The following GALNT13 variants were observed in gnomAD, a reference collection of about 807,000 sequenced individuals.
The protein encoded by GALNT13 is UDP-GalNAc:polypeptide N-acetylgalactosaminyltransferase 13.
Under a neutral mutation model 64.2 loss-of-function variants are expected in GALNT13, and 28 were observed. The ratio of observed to expected loss-of-function variants is 0.44; its 90% CI spans 0.32 to 0.60. GALNT13 has a LOEUF of 0.60. GALNT13 is among the 20% of genes least tolerant of loss of function. The pLI, the probability that GALNT13 is intolerant of heterozygous loss-of-function variation, is 0.05. For synonymous variants in GALNT13, 214 were observed against 224.6 expected (o/e 0.95, Z 0.42); for missense variants, 577 against 669.8 (o/e 0.86, Z 1.53).
At chr2:154,205,321 A>G (rs1573872177) in intron 4 of GALNT13, among the ~76,000 whole-genome samples, 1 of 152,060 alleles carries the variant, frequency 6.6e-6, no homozygotes, top group African/African-American at 2.4e-5. Context: ...TGTGTTTTCC[A>G]CCTGTGTTCT....
chr2:153,200,849 T>C, the GALNT13 span, among the ~76,000 whole-genome samples: 6 of 152,226 alleles, frequency 3.9e-5, no homozygotes, highest in East Asian at 1.9e-4. Flanking sequence ...TGTCCTTCTA[T>C]AGGAAAGTCA....
chr2:154,114,822 C>T (rs1362275971), intron 3 of GALNT13, among the ~76,000 whole-genome samples: 1 of 152,198 alleles, frequency 6.6e-6, no homozygotes, highest in East Asian at 1.9e-4. Context: ...CCAAACTCTA[C>T]ACAAGTCAGA....
the GALNT13 span, among the ~76,000 whole-genome samples, chr2:153,590,350 C>T: frequency 0.076 from 11,589 of 151,960 alleles, 530 homozygotes; most frequent in Non-Finnish European, 0.11. Flanking sequence ...AATAAATCTC[C>T]CAACAAAGTA....
At chr2:153,531,475 T>C in the GALNT13 span, among the ~76,000 whole-genome samples, 767 of 152,222 alleles carry the variant, frequency 5.0e-3, 10 homozygotes, top group African/African-American at 0.018. Flanking sequence ...CCCACCAGTC[T>C]CCACCTCCAG....
the GALNT13 span, among the ~76,000 whole-genome samples, chr2:153,184,945 A>G: frequency 6.6e-6 from 1 of 152,162 alleles, no homozygotes; most frequent in Non-Finnish European, 1.5e-5. Flanking sequence ...CGTATCTGCC[A>G]GGTTTTGGTA....
At chr2:153,805,701 C>T in the GALNT13 span, among the ~76,000 whole-genome samples, 1 of 151,928 alleles carries the variant, frequency 6.6e-6, no homozygotes, top group Non-Finnish European at 1.5e-5. Flanking sequence ...TGAGAGTTCT[C>T]AGTGGATGTG....
At chr2:153,681,107 A>G in the GALNT13 span, among the ~76,000 whole-genome samples, 1 of 151,904 alleles carries the variant, frequency 6.6e-6, no homozygotes, top group Non-Finnish European at 1.5e-5. Context: ...TTCCTCCATT[A>G]AGCTAGAAAG....
chr2:153,611,079 T>C, the GALNT13 span, among the ~76,000 whole-genome samples: 1 of 152,132 alleles, frequency 6.6e-6, no homozygotes, highest in Admixed American at 6.5e-5. Context: ...AAAGAATTAT[T>C]ATTTGACTTA....
intron 9 of GALNT13, among the ~76,000 whole-genome samples, chr2:154,302,437 CCT>C (rs1693496977): frequency 6.6e-6 from 1 of 152,156 alleles, no homozygotes; most frequent in African/African-American, 2.4e-5. Context: ...AGGCCTACAT[CCT>C]CTTTCTGTAA....
the GALNT13 span, among the ~76,000 whole-genome samples, chr2:153,511,593 A>T: frequency 9.2e-5 from 14 of 152,338 alleles, no homozygotes; most frequent in African/African-American, 2.6e-4. Flanking sequence ...GTTAGTGTTC[A>T]TGAAATTGAG....
chr2:153,554,327 CTG>C, the GALNT13 span, among the ~76,000 whole-genome samples: 1 of 151,134 alleles, frequency 6.6e-6, no homozygotes, highest in Admixed American at 6.6e-5. Context: ...GAGTGAGACT[CTG>C]TGTCAAAAAC....
the GALNT13 span, among the ~76,000 whole-genome samples, chr2:153,727,217 G>C: frequency 1.3e-5 from 2 of 152,086 alleles, no homozygotes; most frequent in East Asian, 3.9e-4. Flanking sequence ...TATTGGTTTT[G>C]CCTGTTTGGG....
intron 1 of GALNT13, among the ~76,000 whole-genome samples, chr2:153,873,007 C>T (rs906928207): frequency 2.6e-5 from 4 of 152,138 alleles, no homozygotes; most frequent in Admixed American, 6.5e-5. Flanking sequence ...GTTAATCTGT[C>T]TTTCCTTTTG....
At chr2:154,282,221 C>T (rs1337235669) in intron 8 of GALNT13, among the ~76,000 whole-genome samples, 6 of 152,048 alleles carry the variant, frequency 3.9e-5, no homozygotes, top group Non-Finnish European at 5.9e-5. Context: ...CATTTTTTCT[C>T]GTTTTAAAAC....
At chr2:153,093,695 A>G in the GALNT13 span, among the ~76,000 whole-genome samples, 1 of 152,154 alleles carries the variant, frequency 6.6e-6, no homozygotes, top group Non-Finnish European at 1.5e-5. Context: ...GCCTCACAGA[A>G]TGAGTTTGGA....
intron 4 of GALNT13, among the ~76,000 whole-genome samples, chr2:154,182,686 A>G (rs553135928): frequency 8.1e-5 from 12 of 148,600 alleles, no homozygotes; most frequent in Non-Finnish European, 1.6e-4. Flanking sequence ...ATAGGATAAT[A>G]TATTTATTAT....
the GALNT13 span, among the ~76,000 whole-genome samples, chr2:153,848,312 A>G: frequency 6.6e-6 from 1 of 152,214 alleles, no homozygotes; most frequent in African/African-American, 2.4e-5. Context: ...ACACAGGAAC[A>G]GGGAATTGAG....
At chr2:153,583,527 G>A in the GALNT13 span, among the ~76,000 whole-genome samples, 7 of 152,216 alleles carry the variant, frequency 4.6e-5, no homozygotes, top group Non-Finnish European at 7.3e-5. Flanking sequence ...GGAACTGGGA[G>A]TGAATTCCCA....
intron 3 of GALNT13, among the ~76,000 whole-genome samples, chr2:154,123,538 A>T (rs796844602): frequency 8.6e-5 from 13 of 152,038 alleles, no homozygotes; most frequent in African/African-American, 3.1e-4. Context: ...ATGGCTACAC[A>T]CTCAATAACA....
Sources: allele counts gnomAD v4.1 joint callset (sites outside exome capture counted in the v4.1 genomes callset), GRCh38; gene constraint gnomAD v4.1.1; transcripts MANE v1.5; gene names NCBI Gene and HGNC (gene_info 2026-07-23, HGNC 2026-07-21).